Variants in KCNMB2 observed in about 807,000 individuals in gnomAD.
KCNMB2 encodes calcium-activated potassium channel subunit beta-2.
KCNMB2 carries 9 observed loss-of-function variants against 24.5 expected under a neutral mutation model. The observed-to-expected ratio is 0.37, with a 90% CI of 0.22 to 0.64. KCNMB2 has a LOEUF of 0.64. KCNMB2 is among the 30% of genes least tolerant of loss of function. The pLI, the probability that KCNMB2 is intolerant of heterozygous loss-of-function variation, is 0.63. For missense variants in KCNMB2, 226 were observed against 284.3 expected (o/e 0.79, Z 1.47); for synonymous variants, 109 against 104.4 (o/e 1.04, Z -0.27).
In KCNMB2 at chr3:178,625,305, G is replaced by A. The variant is rs113637669; in HGVS notation, c.-68+88594G>A. On this transcript the variant is annotated intron_variant, in intron 1 of 4. Coordinates refer to ENST00000452583, the MANE Select transcript of KCNMB2 (RefSeq NM_181361.3). ...CCACCCAGGACAAGGGGGTGGGGGCGGGGAGAAGACCCCAGGCCCAGGAGC... is the reference window on the plus strand; with the variant it reads ...CCACCCAGGACAAGGGGGTGGGGGCAGGGAGAAGACCCCAGGCCCAGGAGC... Among the ~76,000 whole-genome samples the A allele has an allele frequency of 1.8e-4, 27 of 152,274 alleles. No individual in the cohort carries two copies. In the South Asian group the frequency reaches 1.9e-3, roughly 11 times the overall value.
intron 1 of KCNMB2, among the ~76,000 whole-genome samples, chr3:178,583,783 A>C (rs1439776980): frequency 6.6e-6 from 1 of 152,214 alleles, no homozygotes; most frequent in African/African-American, 2.4e-5. Context: ...TGTACTCAGA[A>C]ATGCTAAGGT....
intron 2 of KCNMB2, among the ~76,000 whole-genome samples, chr3:178,824,300 G>A (rs1053041626): frequency 1.8e-4 from 27 of 152,082 alleles, no homozygotes; most frequent in Admixed American, 1.6e-3. Flanking sequence ...TCTGATGTCC[G>A]TGTCATTGAG....
chr3:178,617,306 C>A (rs947650333), intron 1 of KCNMB2, among the ~76,000 whole-genome samples: 8 of 152,044 alleles, frequency 5.3e-5, no homozygotes, highest in African/African-American at 1.9e-4. Context: ...CGCCTGTAAT[C>A]CCAGCACTTT....
chr3:178,653,547 T>C (rs1720208085), intron 1 of KCNMB2, among the ~76,000 whole-genome samples: 1 of 152,134 alleles, frequency 6.6e-6, no homozygotes, highest in Non-Finnish European at 1.5e-5. Flanking sequence ...CTCTAGCCTT[T>C]TGATATGTAG....
intron 1 of KCNMB2, among the ~76,000 whole-genome samples, chr3:178,551,896 A>G (rs1352338408): frequency 6.6e-6 from 1 of 152,116 alleles, no homozygotes; most frequent in Non-Finnish European, 1.5e-5. Context: ...CCCATTTGAC[A>G]CCTGCTGGCC....
chr3:178,681,685 G>C (rs1721276548), intron 1 of KCNMB2, among the ~76,000 whole-genome samples: 1 of 152,206 alleles, frequency 6.6e-6, no homozygotes, highest in Admixed American at 6.5e-5. Context: ...GCCGGATACT[G>C]TCATATCGAC....
At chr3:178,713,293 T>C (rs1722513575) in intron 1 of KCNMB2, among the ~76,000 whole-genome samples, 1 of 152,204 alleles carries the variant, frequency 6.6e-6, no homozygotes, top group East Asian at 1.9e-4. Flanking sequence ...TCAGAAAAAT[T>C]GCATTTCATT....
intron 1 of KCNMB2, among the ~76,000 whole-genome samples, chr3:178,667,804 C>G (rs1170921893): frequency 6.6e-6 from 1 of 152,134 alleles, no homozygotes; most frequent in African/African-American, 2.4e-5. Context: ...ACTCTGCCCC[C>G]TAAAGCCCCA....
chr3:178,805,067 C>T (rs1306940764), intron 1 of KCNMB2, among the ~76,000 whole-genome samples: 1 of 152,186 alleles, frequency 6.6e-6, no homozygotes, highest in Non-Finnish European at 1.5e-5. Context: ...TTAATTTCTA[C>T]GTCTTTCTAA....
chr3:178,748,242 T>C (rs1723734450), intron 1 of KCNMB2: 1 of 152,234 alleles, frequency 6.6e-6, no homozygotes, highest in Non-Finnish European at 1.5e-5. Flanking sequence ...AAATATTCCA[T>C]ATCCTGGAGT....
At chr3:178,719,748 T>C (rs887216496) in intron 1 of KCNMB2, among the ~76,000 whole-genome samples, 4 of 152,154 alleles carry the variant, frequency 2.6e-5, no homozygotes, top group South Asian at 4.1e-4. Flanking sequence ...TACAGTAAAA[T>C]TGACTCTTTT....
At chr3:178,769,046 CACTT>C (rs549578792) in intron 1 of KCNMB2, among the ~76,000 whole-genome samples, 86 of 152,288 alleles carry the variant, frequency 5.6e-4, no homozygotes, top group African/African-American at 2.0e-3. Context: ...CTCTAAGAAA[CACTT>C]ACATTTACGC....
At chr3:178,537,576 C>T (rs1715453165) in intron 1 of KCNMB2, among the ~76,000 whole-genome samples, 1 of 152,164 alleles carries the variant, frequency 6.6e-6, no homozygotes, top group Admixed American at 6.5e-5. Flanking sequence ...TATTATACTG[C>T]TTTGTACTTT....
chr3:178,703,252 A>T (rs1350827939), intron 1 of KCNMB2, among the ~76,000 whole-genome samples: 1 of 152,038 alleles, frequency 6.6e-6, no homozygotes. Flanking sequence ...GTACTCATAG[A>T]CTCATTTTGC....
intron 1 of KCNMB2, among the ~76,000 whole-genome samples, chr3:178,581,604 T>C (rs952435879): frequency 2.6e-5 from 4 of 152,174 alleles, no homozygotes; most frequent in Admixed American, 1.3e-4. Flanking sequence ...GAGAAAATTT[T>C]TACAATCTAT....
intron 1 of KCNMB2, among the ~76,000 whole-genome samples, chr3:178,730,405 A>ACCCCCCCCCCCCCCCC (rs71181246): frequency 1.8e-5 from 2 of 112,150 alleles, no homozygotes; most frequent in African/African-American, 3.7e-5. Context: ...GTCCCCCAAC[A>ACCCCCCCCCCCCCCCC]CCCCCCCACA....
At chr3:178,612,567 T>A (rs1469317689) in intron 1 of KCNMB2, among the ~76,000 whole-genome samples, 3 of 152,210 alleles carry the variant, frequency 2.0e-5, no homozygotes, top group Non-Finnish European at 4.4e-5. Context: ...CCTGCTCTTT[T>A]TTGTTTTTAT....
At chr3:178,571,035 A>T (rs1171786579) in intron 1 of KCNMB2, among the ~76,000 whole-genome samples, 1 of 152,204 alleles carries the variant, frequency 6.6e-6, no homozygotes, top group African/African-American at 2.4e-5. Flanking sequence ...AACATTTTGT[A>T]CTGTTTCCAC....
chr3:178,554,289 C>T (rs544964447), intron 1 of KCNMB2, among the ~76,000 whole-genome samples: 66 of 152,238 alleles, frequency 4.3e-4, no homozygotes, highest in African/African-American at 1.5e-3. Flanking sequence ...TAATAACCTT[C>T]AGAGGATATG....
Sources: gnomAD v4.1 joint callset for allele counts (sites outside exome capture counted in the v4.1 genomes callset) on GRCh38, gnomAD v4.1.1 for gene constraint, MANE v1.5 for transcripts, NCBI Gene and HGNC (gene_info 2026-07-23, HGNC 2026-07-21) for gene names.